Variants in ANK2 observed in about 807,000 individuals in gnomAD.
The protein encoded by ANK2 is ankyrin-2.
ANK2 carries 83 observed loss-of-function variants against 360.5 expected under a neutral mutation model. The ratio of observed to expected loss-of-function variants is 0.23; its 90% CI spans 0.19 to 0.28. The LOEUF (loss-of-function observed/expected upper bound fraction) is 0.28, where lower values mean the gene tolerates loss of function less well. Ranked by LOEUF, ANK2 falls within the 10% of genes least tolerant of loss-of-function variation. The pLI is 1.00. For missense variants in ANK2, 4,201 were observed against 4,795.7 expected (o/e 0.88, Z 3.66); for synonymous variants, 1,740 against 1,759.5 (o/e 0.99, Z 0.28).
At chr4:113,021,182 T>C (rs1382908451) in intron 2 of ANK2, among the ~76,000 whole-genome samples, 1 of 5,362 alleles carries the variant, frequency 1.9e-4, no homozygotes, top group Non-Finnish European at 3.5e-4. Context: ...AGGGAAGGGC[T>C]TTTTTTTCTG....
chr4:112,712,055 C>CATAT, the ANK2 span, among the ~76,000 whole-genome samples: 2 of 146,256 alleles, frequency 1.4e-5, no homozygotes, highest in East Asian at 2.0e-4. Flanking sequence ...CACACACACA[C>CATAT]ATATATATAT....
chr4:112,870,091 T>G (rs1214953332), intron 1 of ANK2, among the ~76,000 whole-genome samples: 1 of 152,088 alleles, frequency 6.6e-6, no homozygotes, highest in East Asian at 1.9e-4. Flanking sequence ...CTCCACCTCC[T>G]GGGTTCAAAT....
At chr4:113,028,541 CAAT>C (rs1306231435) in intron 2 of ANK2, among the ~76,000 whole-genome samples, 4 of 151,998 alleles carry the variant, frequency 2.6e-5, no homozygotes, top group African/African-American at 4.8e-5. Flanking sequence ...ATAAGCACTA[CAAT>C]AGAGACATGT....
intron 10 of ANK2, among the ~76,000 whole-genome samples, chr4:113,250,994 C>T (rs1018327807): frequency 1.5e-4 from 23 of 152,004 alleles, no homozygotes; most frequent in Admixed American, 1.0e-3. Flanking sequence ...AATAATTATC[C>T]GCGTTACTTT....
At chr4:112,938,282 T>C (rs2093923781) in intron 2 of ANK2, among the ~76,000 whole-genome samples, 1 of 152,164 alleles carries the variant, frequency 6.6e-6, no homozygotes. Flanking sequence ...TCATCTTAAG[T>C]GGATTAAAGG....
intron 14 of ANK2, among the ~76,000 whole-genome samples, chr4:113,268,110 G>T (rs972878093): frequency 3.3e-5 from 5 of 152,174 alleles, no homozygotes; most frequent in Non-Finnish European, 7.3e-5. Context: ...TGTATCCTGA[G>T]ACTTTGCTGA....
intron 2 of ANK2, among the ~76,000 whole-genome samples, chr4:113,193,654 T>C (rs910365358): frequency 3.9e-5 from 6 of 152,218 alleles, no homozygotes; most frequent in African/African-American, 1.4e-4. Flanking sequence ...TCTACATTTA[T>C]GGCACGTATT....
the ANK2 span, among the ~76,000 whole-genome samples, chr4:112,803,279 G>A: frequency 4.6e-5 from 7 of 152,204 alleles, no homozygotes; most frequent in South Asian, 4.2e-4. Context: ...AAGGGTCTTC[G>A]CAAATGTGAT....
At chr4:113,218,059 A>G (rs945352905) in intron 4 of ANK2, among the ~76,000 whole-genome samples, 1 of 152,310 alleles carries the variant, frequency 6.6e-6, no homozygotes, top group Non-Finnish European at 1.5e-5. Context: ...AAAAACCCAC[A>G]CTTAGTAATG....
chr4:113,304,592 A>G (rs1198592043), intron 23 of ANK2, among the ~76,000 whole-genome samples: 1 of 152,178 alleles, frequency 6.6e-6, no homozygotes, highest in Admixed American at 6.5e-5. Context: ...CTTAGAATAT[A>G]AATTTAGAGA....
Position 113,358,506 on chromosome 4 carries a change from T to C in ANK2, c.9888T>C (p.Pro3296=), listed in dbSNP as rs759879230. ...CTACTGCACCCATGGAGAATGTGCC[T>C]TTTACTGAAAGCAAATCCAAAATTC... The part of the protein sequence containing the change: ...EIPTAPMENV[P]FTESKSKIPV... The change falls in exon 38 of 46, where the codon CCT becomes CCC. Residue 3296 remains proline, a synonymous_variant. Coordinates refer to ENST00000357077, the MANE Select transcript of ANK2 (RefSeq NM_001148.6). 5 of 1,613,926 alleles carry C rather than the reference T, an allele frequency of 3.1e-6. No homozygotes were observed. The African/African-American group carries it at 6.7e-5, about 22-fold the overall frequency.
intron 2 of ANK2, among the ~76,000 whole-genome samples, chr4:112,974,135 G>A (rs1245798973): frequency 2.0e-5 from 3 of 152,108 alleles, no homozygotes; most frequent in Non-Finnish European, 4.4e-5. Flanking sequence ...TTTCTAAATT[G>A]GGTGCAGTGG....
At chr4:112,862,442 G>T (rs1319791413) in intron 1 of ANK2, among the ~76,000 whole-genome samples, 1 of 152,084 alleles carries the variant, frequency 6.6e-6, no homozygotes, top group Non-Finnish European at 1.5e-5. Context: ...TTTCTAGAGT[G>T]TTCCTGAACA....
the ANK2 span, chr4:112,739,092 A>G: frequency 1.9e-6 from 1 of 514,076 alleles, no homozygotes; most frequent in Non-Finnish European, 3.7e-6. Context: ...GCTGTGCAGC[A>G]AAGAAAATGA....
At chr4:113,109,612 C>A (rs756676063) in intron 1 of ANK2, among the ~76,000 whole-genome samples, 2 of 152,164 alleles carry the variant, frequency 1.3e-5, no homozygotes, top group Non-Finnish European at 2.9e-5. Context: ...AATAAAAGCT[C>A]AAGTTTGCAG....
chr4:113,058,113 C>T (rs1402362659), intron 1 of ANK2, among the ~76,000 whole-genome samples: 2 of 152,074 alleles, frequency 1.3e-5, no homozygotes, highest in East Asian at 3.9e-4. Flanking sequence ...TGACTCATGA[C>T]CAACCATTTC....
intron 1 of ANK2, among the ~76,000 whole-genome samples, chr4:112,860,250 G>A (rs2067559153): frequency 6.6e-6 from 1 of 151,488 alleles, no homozygotes; most frequent in Admixed American, 6.6e-5. Flanking sequence ...TTTTTGAGAC[G>A]GAGTCTTGCT....
intron 1 of ANK2, among the ~76,000 whole-genome samples, chr4:113,164,228 G>A (rs1023928516): frequency 6.6e-6 from 1 of 152,172 alleles, no homozygotes; most frequent in Non-Finnish European, 1.5e-5. Flanking sequence ...CTATAATTAA[G>A]TGATATCTCC....
intron 1 of ANK2, among the ~76,000 whole-genome samples, chr4:113,091,359 T>C (rs957900873): frequency 6.6e-6 from 1 of 152,216 alleles, no homozygotes; most frequent in African/African-American, 2.4e-5. Flanking sequence ...ACTAACTAAA[T>C]AGTAGACCTT....
Sources: allele counts gnomAD v4.1 joint callset (sites outside exome capture counted in the v4.1 genomes callset), GRCh38; gene constraint gnomAD v4.1.1; transcripts MANE v1.5; gene names NCBI Gene and HGNC (gene_info 2026-07-23, HGNC 2026-07-21).